TBL1XR1: variants seen among roughly 807,000 people sequenced by gnomAD.
TBL1XR1 encodes F-box-like/WD repeat-containing protein TBL1XR1.
TBL1XR1 carries 5 observed loss-of-function variants against 66.9 expected under a neutral mutation model. That is an observed-to-expected ratio of 0.07 (90% CI 0.04 to 0.16). The LOEUF (loss-of-function observed/expected upper bound fraction) is 0.16, where lower values mean the gene tolerates loss of function less well. TBL1XR1 is among the 10% of genes least tolerant of loss of function. The pLI is 1.00. For missense variants in TBL1XR1, 238 were observed against 623.2 expected (o/e 0.38, Z 6.58); for synonymous variants, 210 against 206.0 (o/e 1.02, Z -0.17).
chr3:177,053,600 T>C (rs557785283), intron 4 of TBL1XR1, among the ~76,000 whole-genome samples, 173 bp downstream of exon 4: 1 of 152,212 alleles, frequency 6.6e-6, no homozygotes, highest in Non-Finnish European at 1.5e-5. Flanking sequence ...TCCTTACAAC[T>C]AGGCGCCAAC....
rs1327569353 is a variant in TBL1XR1, at chr3:177,025,414, G to A, written c.*84C>T. On this transcript the variant is annotated 3_prime_UTR_variant, in exon 16 of 16. Transcript: ENST00000457928. ...TAGTGGACTGGCCATGGTTCAAGTG[G>A]GACTATAGCAGTACATGGGTCAGGG... 4 of 1,424,792 alleles carry A rather than the reference G, an allele frequency of 2.8e-6. No individual in the cohort carries two copies. The highest frequency in any genetic ancestry group is 3.9e-6 in the Non-Finnish European group (4 of 1,017,048). 88.3% of individuals were successfully genotyped at this position (1,424,792 alleles called of 1,614,324 possible). A position where few individuals can be genotyped will look rare whatever the true frequency, so the allele number is the denominator to read the frequency against.
intron 1 of TBL1XR1, among the ~76,000 whole-genome samples, chr3:177,184,445 AC>A (rs1237433609): frequency 6.6e-6 from 1 of 152,212 alleles, no homozygotes; most frequent in Non-Finnish European, 1.5e-5. Flanking sequence ...CTTCTGGACA[AC>A]CAAAACCTCC....
intron 1 of TBL1XR1, among the ~76,000 whole-genome samples, chr3:177,187,943 CTTTTTTTT>C (rs571361204): frequency 5.1e-5 from 4 of 77,836 alleles, no homozygotes; most frequent in South Asian, 5.1e-4. Flanking sequence ...GTACAATTTC[CTTTTTTTT>C]TTTTTTTTTT....
chr3:177,086,814 C>G (rs1722182318), intron 2 of TBL1XR1, among the ~76,000 whole-genome samples: 1 of 151,408 alleles, frequency 6.6e-6, no homozygotes, highest in Non-Finnish European at 1.5e-5. Context: ...TCCCAAAAAC[C>G]TAACTACTAA....
At position 177,139,540 on chromosome 3, in the gene TBL1XR1, GA is replaced by G. The variant is rs796546289; in HGVS notation, c.-121-41000del. ...ACAAAGCAAGACTCCATCTCGGGGG[GA>G]AAAAAAAAAATTAAAGCATAAAAAT... On this transcript the variant is annotated intron_variant, in intron 1 of 15. Transcript: ENST00000457928. Among the ~76,000 whole-genome samples the G allele has an allele frequency of 3.8e-3, 297 of 78,810 alleles. 1 individual carries two copies. Among genetic ancestry groups the G allele is most frequent in the South Asian group, 4.8e-3 (13 of 2,710 alleles). 51.7% of individuals were successfully genotyped at this position (78,810 alleles called of 152,430 possible). A position where few individuals can be genotyped will look rare whatever the true frequency, so the allele number is the denominator to read the frequency against.
intron 7 of TBL1XR1, 45 bp downstream of exon 7, chr3:177,049,952 A>T (rs1372104556): frequency 6.3e-7 from 1 of 1,595,896 alleles, no homozygotes; most frequent in Non-Finnish European, 8.6e-7. Context: ...TCTGAGGGTT[A>T]GGTATACTAG....
At chr3:177,200,989 AGAGT>A (rs1200468276), upstream of TBL1XR1, among the ~76,000 whole-genome samples, 1 of 151,824 alleles carries the variant, frequency 6.6e-6, no homozygotes, top group African/African-American at 2.4e-5. Context: ...CCTAGGCGAC[AGAGT>A]GAGACTCCGT....
At chr3:177,049,653 T>TA in intron 7 of TBL1XR1, among the ~76,000 whole-genome samples, 1 of 152,368 alleles carries the variant, frequency 6.6e-6, no homozygotes, top group East Asian at 1.9e-4. Flanking sequence ...TGTTGTTTGT[T>TA]ATTATGGTAA....
chr3:177,050,367 G>C, intron 6 of TBL1XR1, 111 bp downstream of exon 6: 1 of 1,382,356 alleles, frequency 7.2e-7, no homozygotes, highest in Non-Finnish European at 9.7e-7. Context: ...AATTTACAGA[G>C]ACAAAATGGC....
chr3:177,179,117 C>CAAAAAAAAA (rs71178099), intron 1 of TBL1XR1, among the ~76,000 whole-genome samples: 1 of 107,448 alleles, frequency 9.3e-6, no homozygotes, highest in African/African-American at 4.3e-5. Context: ...AACTACGTCT[C>CAAAAAAAAA]AAAAAAAAAA....
At chr3:177,128,326 T>C (rs1413076924) in intron 1 of TBL1XR1, among the ~76,000 whole-genome samples, 1 of 152,238 alleles carries the variant, frequency 6.6e-6, no homozygotes, top group African/African-American at 2.4e-5. Context: ...TTGAGAACTT[T>C]GAATAGCAAC....
At chr3:177,154,357 C>T (rs1338225433) in intron 1 of TBL1XR1, among the ~76,000 whole-genome samples, 1 of 151,832 alleles carries the variant, frequency 6.6e-6, no homozygotes, top group Non-Finnish European at 1.5e-5. Flanking sequence ...AATGTGTGTA[C>T]CTAACACCTT....
intron 2 of TBL1XR1, among the ~76,000 whole-genome samples, chr3:177,066,626 G>A (rs781490431): frequency 3.3e-5 from 5 of 152,226 alleles, no homozygotes; most frequent in Admixed American, 6.5e-5. Flanking sequence ...CTAGATTGGA[G>A]TAAGAGGAAT....
intron 2 of TBL1XR1, among the ~76,000 whole-genome samples, chr3:177,070,204 A>C (rs758589777): frequency 6.6e-6 from 1 of 152,164 alleles, no homozygotes; most frequent in African/African-American, 2.4e-5. Flanking sequence ...CTACAAATTT[A>C]TTTCTTTTTA....
rs116372878 is a variant in TBL1XR1 at position 177,133,341 on chromosome 3, T to C, written c.-121-34800A>G. On this transcript the variant is annotated intron_variant, in intron 1 of 15. Coordinates refer to ENST00000457928, the MANE Select transcript of TBL1XR1 (RefSeq NM_024665.7). ...AATAAACGAATCCACAATCCTTGGATTGACATTATCTGTATTTACCACCCC... is the reference window on the plus strand; with the variant it reads ...AATAAACGAATCCACAATCCTTGGACTGACATTATCTGTATTTACCACCCC... 6.6e-3 allele frequency among the ~76,000 whole-genome samples: 1,004 copies of C among 152,260 alleles called. 13 individuals are homozygous for C. Among genetic ancestry groups the C allele is most frequent in the African/African-American group, 0.023 (949 of 41,542 alleles).
intron 10 of TBL1XR1, among the ~76,000 whole-genome samples, chr3:177,045,179 T>C (rs935073876): frequency 8.5e-5 from 13 of 152,090 alleles, no homozygotes; most frequent in African/African-American, 3.1e-4. Context: ...CATTTTAAAG[T>C]TGATGCTGTG....
At chr3:177,101,077 G>C (rs939514643) in intron 1 of TBL1XR1, among the ~76,000 whole-genome samples, 2 of 151,922 alleles carry the variant, frequency 1.3e-5, no homozygotes, top group African/African-American at 2.4e-5. Context: ...GGCTGGTCCC[G>C]AACTCCCAAC....
In TBL1XR1 at chr3:177,019,734, G is replaced by C. The variant is rs1712116213; in HGVS notation, c.*5764C>G. The C allele has an allele frequency of 6.6e-6, 1 of 152,000 alleles. No individual in the cohort carries two copies. Among genetic ancestry groups the C allele is most frequent in the African/African-American group, 2.4e-5 (1 of 41,392 alleles). The allele number at this position is 152,000 out of a possible 1,614,324, so 9.4% of individuals were successfully genotyped here. A position where few individuals can be genotyped will look rare whatever the true frequency, so the allele number is the denominator to read the frequency against. ...ATCCCTTCTATTACTGTTCAAATTA[G>C]TTTCAGCTTTCCCTCAAGCTTATAA... On this transcript the variant is annotated 3_prime_UTR_variant, in exon 16 of 16. Coordinates refer to ENST00000457928, the MANE Select transcript of TBL1XR1 (RefSeq NM_024665.7).
Position 177,034,336 on chromosome 3 carries a change from A to T in TBL1XR1, c.1123-11T>A. 1.3e-6 allele frequency: 2 copies of T among 1,514,348 alleles called. No individual in the cohort carries two copies. Among genetic ancestry groups the T allele is most frequent in the Non-Finnish European group, 1.8e-6 (2 of 1,136,704 alleles). 93.8% of individuals were successfully genotyped at this position (1,514,348 alleles called of 1,614,324 possible). On this transcript the variant is annotated splice_polypyrimidine_tract_variant and intron_variant, in intron 12 of 15. Coordinates refer to ENST00000457928, the MANE Select transcript of TBL1XR1 (RefSeq NM_024665.7). ...TTTCATACTCCATATCTAAACAAAA[A>T]AGAAAAATGTATACAATTATTTTTC...
Sources: allele counts gnomAD v4.1 joint callset (sites outside exome capture counted in the v4.1 genomes callset), GRCh38; gene constraint gnomAD v4.1.1; transcripts MANE v1.5; gene names NCBI Gene and HGNC (gene_info 2026-07-23, HGNC 2026-07-21).